PPARGC1A: variants seen among roughly 807,000 people sequenced by gnomAD.
PPARGC1A encodes PPARG coactivator 1 alpha, also known as peroxisome proliferator-activated receptor gamma coactivator 1-alpha.
PPARGC1A carries 25 observed loss-of-function variants against 88.7 expected under a neutral mutation model. The observed-to-expected ratio is 0.28, with a 90% CI of 0.21 to 0.39. PPARGC1A has a LOEUF of 0.39. Among genes scored for constraint, PPARGC1A ranks in the 10% least tolerant of loss-of-function variants. The pLI is 1.00. For missense variants in PPARGC1A, 880 were observed against 968.7 expected (o/e 0.91, Z 1.22); for synonymous variants, 363 against 355.6 (o/e 1.02, Z -0.24).
chr4:24,472,659 G>C, the PPARGC1A span, among the ~76,000 whole-genome samples: 1 of 151,652 alleles, frequency 6.6e-6, no homozygotes, highest in East Asian at 1.9e-4. This position sits in a 1 kb window ranked among gnomAD's most constrained non-coding sequence, Gnocchi z 4.5. Flanking sequence ...AGGGATGCTC[G>C]GGCTGCCGCC....
the PPARGC1A span, among the ~76,000 whole-genome samples, chr4:24,466,396 G>A: frequency 6.6e-6 from 1 of 152,184 alleles, no homozygotes; most frequent in Non-Finnish European, 1.5e-5. Flanking sequence ...TGAGTACAGT[G>A]GGGATAAGAA....
At chr4:24,289,879 C>G in the PPARGC1A span, among the ~76,000 whole-genome samples, 1 of 152,092 alleles carries the variant, frequency 6.6e-6, no homozygotes. Context: ...ATACCCAAGA[C>G]TGGGTAATTT....
At chr4:24,403,282 G>A in the PPARGC1A span, among the ~76,000 whole-genome samples, 2 of 152,310 alleles carry the variant, frequency 1.3e-5, no homozygotes, top group East Asian at 3.9e-4. Flanking sequence ...GGAAAGGTTG[G>A]TAACTGTGAT....
chr4:24,278,612 G>A, the PPARGC1A span, among the ~76,000 whole-genome samples: 1 of 151,984 alleles, frequency 6.6e-6, no homozygotes, highest in Non-Finnish European at 1.5e-5. Context: ...CATGATTTTT[G>A]AAAAAGCATG....
chr4:23,949,584 C>CACAGTTAATCCAGTACAGTTAATCCTGT, the PPARGC1A span, among the ~76,000 whole-genome samples: 1 of 152,176 alleles, frequency 6.6e-6, no homozygotes. Flanking sequence ...CAACATACTT[C>CACAGTTAATCCAGTACAGTTAATCCTGT]ACAGTTAATC....
At chr4:23,952,294 CCTT>C in the PPARGC1A span, among the ~76,000 whole-genome samples, 5 of 152,270 alleles carry the variant, frequency 3.3e-5, no homozygotes, top group South Asian at 8.3e-4. Context: ...ATTCCATTCT[CCTT>C]CTCTGCTCTG....
chr4:24,345,759 G>A, the PPARGC1A span, among the ~76,000 whole-genome samples: 11 of 151,998 alleles, frequency 7.2e-5, no homozygotes, highest in Non-Finnish European at 1.5e-4. Context: ...TTACCGATTC[G>A]GATGTCCTTT....
At chr4:23,955,179 G>A in the PPARGC1A span, among the ~76,000 whole-genome samples, 1 of 151,950 alleles carries the variant, frequency 6.6e-6, no homozygotes, top group Non-Finnish European at 1.5e-5. Flanking sequence ...TCTCAAAACA[G>A]AAGAATATCC....
chr4:23,884,583 T>C lies in PPARGC1A; in HGVS notation c.234+169A>G, dbSNP rs1716542424. 1.3e-5 allele frequency: 7 copies of C among 533,096 alleles called. No individual in the cohort carries two copies. The South Asian group carries it at 3.0e-4, about 23-fold the overall frequency. 33.0% of individuals were successfully genotyped at this position (533,096 alleles called of 1,614,324 possible). ...CTTTAAAAAAATAAAAACAAAACAT[T>C]TGTTTTCCAAATGCTGTTTTTCCAT... On this transcript the variant is annotated intron_variant, in intron 2 of 12. Coordinates refer to ENST00000264867, the MANE Select transcript of PPARGC1A (RefSeq NM_013261.5).
intron 5 of PPARGC1A, among the ~76,000 whole-genome samples, chr4:23,827,178 G>A (rs1008960504): frequency 2.0e-5 from 3 of 152,148 alleles, no homozygotes; most frequent in Non-Finnish European, 4.4e-5. Context: ...GAAAGTGATG[G>A]GCAGTGGATT....
chr4:24,395,959 T>C, the PPARGC1A span, among the ~76,000 whole-genome samples: 1 of 152,246 alleles, frequency 6.6e-6, no homozygotes, highest in Non-Finnish European at 1.5e-5. Context: ...CTTCTCATTT[T>C]TGGTTGGTAA....
chr4:23,947,352 GATAT>G, the PPARGC1A span, among the ~76,000 whole-genome samples: 8 of 75,878 alleles, frequency 1.1e-4, no homozygotes, highest in African/African-American at 4.2e-4. Context: ...GTTATATAGT[GATAT>G]ATATATATAT....
chr4:23,961,194 A>G, the PPARGC1A span, among the ~76,000 whole-genome samples: 2 of 152,268 alleles, frequency 1.3e-5, no homozygotes, highest in South Asian at 2.1e-4. Context: ...AAGTTCTGCC[A>G]CCATAACAGA....
the PPARGC1A span, among the ~76,000 whole-genome samples, chr4:24,396,195 A>C: frequency 6.6e-6 from 1 of 152,146 alleles, no homozygotes; most frequent in Non-Finnish European, 1.5e-5. Flanking sequence ...CTCAGTGTGC[A>C]GCCAACCTGC....
At chr4:24,111,190 A>G in the PPARGC1A span, among the ~76,000 whole-genome samples, 165 of 152,266 alleles carry the variant, frequency 1.1e-3, 1 homozygote, top group Non-Finnish European at 1.9e-3. Flanking sequence ...TTGTTAATTG[A>G]GATTCCTAGT....
chr4:24,457,195 A>T, the PPARGC1A span, among the ~76,000 whole-genome samples: 2 of 152,190 alleles, frequency 1.3e-5, no homozygotes, highest in East Asian at 3.8e-4. Context: ...TAGACAAATG[A>T]ATAGTCACTC....
At chr4:24,099,545 G>A in the PPARGC1A span, among the ~76,000 whole-genome samples, 1 of 152,028 alleles carries the variant, frequency 6.6e-6, no homozygotes, top group Non-Finnish European at 1.5e-5. Flanking sequence ...AGGAGCCGGG[G>A]GATTGCTAAA....
the PPARGC1A span, among the ~76,000 whole-genome samples, chr4:24,101,866 G>A: frequency 6.6e-6 from 1 of 152,196 alleles, no homozygotes; most frequent in Non-Finnish European, 1.5e-5. Context: ...AATGGTGCTA[G>A]GTACTAACGA....
At chr4:24,171,642 G>C in the PPARGC1A span, among the ~76,000 whole-genome samples, 1 of 152,054 alleles carries the variant, frequency 6.6e-6, no homozygotes, top group Non-Finnish European at 1.5e-5. Flanking sequence ...TAAATTCACA[G>C]ATGAATGAAT....
Sources: allele counts gnomAD v4.1 joint callset (sites outside exome capture counted in the v4.1 genomes callset), GRCh38; gene constraint gnomAD v4.1.1; non-coding constraint Gnocchi (gnomAD v3.1); transcripts MANE v1.5; gene names NCBI Gene and HGNC (gene_info 2026-07-23, HGNC 2026-07-21).